Variants in IBTK observed in about 807,000 individuals in gnomAD.
IBTK encodes inhibitor of Bruton tyrosine kinase.
A neutral mutation model predicts 154.9 loss-of-function variants in IBTK; 83 were observed. The ratio of observed to expected loss-of-function variants is 0.54; its 90% CI spans 0.45 to 0.64. The LOEUF is 0.64. Among genes scored for constraint, IBTK ranks in the 30% least tolerant of loss-of-function variants. The probability of loss-of-function intolerance (pLI) is 0.00; values close to 1 mark genes in which losing one functional copy is unlikely to be tolerated. For synonymous variants in IBTK, 515 were observed against 536.1 expected, an observed-to-expected ratio of 0.96 and a Z score of 0.54; for missense variants, 1,332 against 1,584.6, an observed-to-expected ratio of 0.84 and a Z score of 2.71.
chr6:82,225,871 G>A (rs1770278102), intron 5 of IBTK, among the ~76,000 whole-genome samples: 1 of 151,954 alleles, frequency 6.6e-6, no homozygotes, highest in African/African-American at 2.4e-5. Flanking sequence ...ACATTCCAGT[G>A]AAATAATTCA....
At chr6:82,202,240 T>G (rs1474099376) in intron 18 of IBTK, among the ~76,000 whole-genome samples, 1 of 152,194 alleles carries the variant, frequency 6.6e-6, no homozygotes, top group African/African-American at 2.4e-5. Context: ...AATTTCTGTG[T>G]TCTCATATTG....
chr6:82,234,278 T>C (rs1476028266), intron 2 of IBTK, 23 bp from the exon 3 acceptor site: 3 of 912,360 alleles, frequency 3.3e-6, no homozygotes, highest in East Asian at 2.8e-5. Context: ...AACAAACAAA[T>C]ACATAAATAT....
At chr6:82,206,719 G>GTAACATATAAAAAGGAATTATACAACATA (rs1265892463) in intron 16 of IBTK, among the ~76,000 whole-genome samples, 5 of 151,824 alleles carry the variant, frequency 3.3e-5, no homozygotes, top group African/African-American at 1.2e-4. Context: ...ACTAAATCCA[G>GTAACATATAAAAAGGAATTATACAACATA]TAACATATAA....
intron 11 of IBTK, 145 bp downstream of exon 11, chr6:82,215,931 A>ATG: frequency 1.7e-6 from 1 of 577,518 alleles, no homozygotes; most frequent in African/African-American, 1.9e-5. Context: ...ATCTGTAGAC[A>ATG]TAATCTGTAA....
chr6:82,228,836 T>C (rs972684954), intron 4 of IBTK, among the ~76,000 whole-genome samples: 9 of 152,064 alleles, frequency 5.9e-5, no homozygotes, highest in African/African-American at 2.2e-4. Context: ...TTAGCCAGGA[T>C]GGTCTCGATC....
intron 6 of IBTK, among the ~76,000 whole-genome samples, chr6:82,224,683 T>C (rs148780114): frequency 0.016 from 2,510 of 152,332 alleles, 27 homozygotes; most frequent in Non-Finnish European, 0.024. Flanking sequence ...AATACTGGTT[T>C]TTGGACCCAT....
At position 82,210,806 on chromosome 6, in the gene IBTK, A is replaced by C; in HGVS notation, c.2509+8T>G. ...AAGTATCTACAATGTCCTAACTCTT[A>C]TTAATACCTTTTATCACCACAGCTT... On this transcript the variant is annotated splice_region_variant and intron_variant, in intron 16 of 28. Coordinates refer to ENST00000306270, the MANE Select transcript of IBTK (RefSeq NM_015525.4). 7.6e-7 allele frequency: 1 copy of C among 1,312,986 alleles called. No homozygotes were observed. The highest frequency in any genetic ancestry group is 2.6e-5 in the East Asian group (1 of 38,924). 81.3% of individuals were successfully genotyped at this position (1,312,986 alleles called of 1,614,324 possible).
intron 6 of IBTK, 83 bp from the exon 7 acceptor site, chr6:82,224,268 T>C: frequency 1.1e-6 from 1 of 947,344 alleles, no homozygotes; most frequent in South Asian, 1.4e-5. Context: ...GACCAGCAAA[T>C]ATATGGTATA....
At chr6:82,189,291 T>C (rs6922195) in intron 25 of IBTK, among the ~76,000 whole-genome samples, 82 of 151,956 alleles carry the variant, frequency 5.4e-4, no homozygotes, top group African/African-American at 1.9e-3. Context: ...CCTGTAAACT[T>C]TCAGGGAAAA....
In IBTK at chr6:82,227,192, C is replaced by A; in HGVS notation, c.654G>T (p.Leu218Phe). 1 of 1,589,098 alleles carries A rather than the reference C, an allele frequency of 6.3e-7. No homozygotes were observed. The highest frequency in any genetic ancestry group is 8.6e-7 in the Non-Finnish European group (1 of 1,160,092). ...RLGHGDEQTC[L>F]VPRLVEGLNG... is the part of the protein sequence containing the mutation. ...AATAGTGTAATGACATTTCAATTAC[C>A]AAGCATGTCTGTTCATCTCCATGTC... is the stretch of plus-strand genomic sequence containing the variant. Residue 218 changes from leucine to phenylalanine, a missense_variant and splice_region_variant, in exon 5 of 29, where the codon TTG becomes TTT. Leu to Phe is a conservative substitution (Grantham distance 22). Transcript: ENST00000306270.
intron 22 of IBTK, among the ~76,000 whole-genome samples, chr6:82,195,297 G>A (rs933812647): frequency 1.8e-4 from 28 of 152,076 alleles, no homozygotes; most frequent in Middle Eastern, 3.4e-3. Context: ...CAATCCTGGC[G>A]GGGTGTGGTT....
rs981272050 is a variant in IBTK at position 82,240,635 on chromosome 6, A to G, written c.-149T>C. On this transcript the variant is annotated 5_prime_UTR_variant, in exon 2 of 29. Coordinates refer to ENST00000306270, the MANE Select transcript of IBTK (RefSeq NM_015525.4). The stretch of plus-strand genomic sequence containing the variant: ...TAAATCCTCCTGACAATAGTATAAA[A>G]CTATATATCTTTATACAATTTTTTG... The G allele has an allele frequency of 2.5e-5, 15 of 608,608 alleles. No homozygotes were observed. In the African/African-American group the frequency reaches 2.6e-4, roughly 11 times the overall value. The allele number at this position is 608,608 out of a possible 1,614,324, so 37.7% of individuals were successfully genotyped here. A position where few individuals can be genotyped will look rare whatever the true frequency, so the allele number is the denominator to read the frequency against.
At chr6:82,233,805 C>T (rs1233403951) in intron 3 of IBTK, among the ~76,000 whole-genome samples, 2 of 151,496 alleles carry the variant, frequency 1.3e-5, no homozygotes, top group East Asian at 3.9e-4. Flanking sequence ...CCTCCACCTC[C>T]CAGGTTCAAG....
At chr6:82,183,121 C>T (rs1425303095) in intron 25 of IBTK, among the ~76,000 whole-genome samples, 1 of 152,132 alleles carries the variant, frequency 6.6e-6, no homozygotes, top group Non-Finnish European at 1.5e-5. Flanking sequence ...ATAAAGAAAT[C>T]TTATAGAGCC....
At chr6:82,176,521 CAAAAAAAAAAA>C (rs749153646) in intron 26 of IBTK, among the ~76,000 whole-genome samples, 1 of 61,486 alleles carries the variant, frequency 1.6e-5, no homozygotes, top group African/African-American at 6.2e-5. Flanking sequence ...GAGTCCGTCT[CAAAAAAAAAAA>C]AAAAAAAAGA....
intron 3 of IBTK, among the ~76,000 whole-genome samples, chr6:82,232,918 C>T (rs902799637): frequency 2.0e-5 from 3 of 152,002 alleles, no homozygotes; most frequent in East Asian, 1.9e-4. Context: ...TTTGGGAGAC[C>T]GAGGCAGACG....
intron 25 of IBTK, among the ~76,000 whole-genome samples, chr6:82,184,124 T>C (rs1045884404): frequency 4.6e-5 from 7 of 152,230 alleles, no homozygotes; most frequent in Non-Finnish European, 8.8e-5. Flanking sequence ...CAATTATGTT[T>C]TACTGTTCTT....
intron 21 of IBTK, among the ~76,000 whole-genome samples, chr6:82,198,249 A>C (rs1582205601): frequency 6.6e-6 from 1 of 152,130 alleles, no homozygotes; most frequent in African/African-American, 2.4e-5. Flanking sequence ...GAAAGTCATT[A>C]CTTTCAAGAC....
At chr6:82,183,366 G>A (rs1226892608) in intron 25 of IBTK, among the ~76,000 whole-genome samples, 2 of 151,914 alleles carry the variant, frequency 1.3e-5, no homozygotes, top group African/African-American at 4.8e-5. Flanking sequence ...GCCGAGACAG[G>A]GCCGCTGCAT....
Sources: gnomAD v4.1 joint callset for allele counts (sites outside exome capture counted in the v4.1 genomes callset) on GRCh38, gnomAD v4.1.1 for gene constraint, MANE v1.5 for transcripts, NCBI Gene and HGNC (gene_info 2026-07-23, HGNC 2026-07-21) for gene names.